MX1: variants seen among roughly 807,000 people sequenced by gnomAD.
MX1 encodes the protein MX dynamin like GTPase 1.
In MX1, 66 loss-of-function variants were observed where a neutral mutation model predicts 66.4. That is an observed-to-expected ratio of 0.99 (90% CI 0.82 to 1.22). The LOEUF is 1.22. Among genes scored for constraint, MX1 ranks in the 50% most tolerant of loss-of-function variants. The pLI is 0.00. For synonymous variants in MX1, 311 were observed against 318.1 expected, an observed-to-expected ratio of 0.98 and a Z score of 0.24; for missense variants, 787 against 834.3, an observed-to-expected ratio of 0.94 and a Z score of 0.70.
chr21:41,435,991 T>A lies in MX1; in HGVS notation c.260T>A (p.Leu87Ter). ...CAGAGCTCGGGCAAGAGCTCCGTGT[T>A]GGAGGCACTGTCAGGAGTTGCCCTT... ...GDQSSGKSSV[L>*]EALSGVALPR... The change falls in exon 6 of 17, where the codon TTG becomes TAG. Residue 87 changes from leucine (L) to a stop codon, truncating the protein, a stop_gained. Coordinates refer to ENST00000398598, the MANE Select transcript of MX1 (RefSeq NM_002462.5). LOFTEE classifies it high-confidence loss of function. 1 of 1,614,232 alleles carries A rather than the reference T, an allele frequency of 6.2e-7. No individual in the cohort carries two copies. Among genetic ancestry groups the A allele is most frequent in the Non-Finnish European group, 8.5e-7 (1 of 1,180,032 alleles).
At chr21:41,433,161 C>T (rs996092509) in intron 5 of MX1, among the ~76,000 whole-genome samples, 1 of 152,204 alleles carries the variant, frequency 6.6e-6, no homozygotes, top group Non-Finnish European at 1.5e-5. Flanking sequence ...GTGTGGCCCC[C>T]AGCCCAGCCC....
chr21:41,422,649 G>GA (rs959063614), upstream of MX1: 19 of 148,540 alleles, frequency 1.3e-4, no homozygotes, highest in East Asian at 3.9e-4. Context: ...TATCTGGTAG[G>GA]AAAAAAAAAA....
intron 8 of MX1, 111 bp downstream of exon 8, chr21:41,439,959 G>A: frequency 3.4e-6 from 4 of 1,184,186 alleles, no homozygotes; most frequent in Non-Finnish European, 4.7e-6. Context: ...CCAGAGCTGA[G>A]TTTTGGAGTT....
At chr21:41,434,879 A>G (rs1000533253) in intron 5 of MX1, among the ~76,000 whole-genome samples, 5 of 152,254 alleles carry the variant, frequency 3.3e-5, no homozygotes, top group Admixed American at 2.6e-4. Context: ...ACTCCTTTGT[A>G]TAGATCCAGA....
intron 16 of MX1, among the ~76,000 whole-genome samples, chr21:41,458,290 G>T (rs2091003116): frequency 6.6e-6 from 1 of 152,268 alleles, no homozygotes; most frequent in Non-Finnish European, 1.5e-5. Context: ...CCATTTAATG[G>T]TCAGGAAAAG....
At chr21:41,451,116 A>G in intron 14 of MX1, 51 bp from the exon 15 acceptor site, 1 of 1,265,542 alleles carries the variant, frequency 7.9e-7, no homozygotes, top group Non-Finnish European at 1.2e-6. Context: ...CATCTTAAGA[A>G]GAGAACAAAT....
intron 16 of MX1, among the ~76,000 whole-genome samples, chr21:41,456,965 T>C (rs938598310): frequency 2.0e-5 from 3 of 152,186 alleles, no homozygotes; most frequent in Non-Finnish European, 4.4e-5. Context: ...TTTCACCATA[T>C]TGGCCAGGCT....
In MX1 at chr21:41,454,247, G is replaced by A. The variant is rs78819670; in HGVS notation, c.1758+1378G>A. Among the ~76,000 whole-genome samples the A allele has an allele frequency of 3.9e-5, 6 of 152,200 alleles. No individual in the cohort carries two copies. The East Asian group carries it at 9.6e-4, about 24-fold the overall frequency. ...GTCTTGTGATGCTATACCAGAGTCGGGTTGGAAAGTAAGCCATTTTATACT... is the reference window on the plus strand; with the variant it reads ...GTCTTGTGATGCTATACCAGAGTCGAGTTGGAAAGTAAGCCATTTTATACT... On this transcript the variant is annotated intron_variant, in intron 16 of 16. Coordinates refer to ENST00000398598, the MANE Select transcript of MX1 (RefSeq NM_002462.5).
chr21:41,433,556 G>C (rs999796432), intron 5 of MX1, among the ~76,000 whole-genome samples: 1 of 152,296 alleles, frequency 6.6e-6, no homozygotes, highest in South Asian at 2.1e-4. Context: ...CAAGTTACAG[G>C]AAATATACAA....
At chr21:41,426,102 G>A (rs773566334), upstream of MX1, 24 of 174,076 alleles carry the variant, frequency 1.4e-4, no homozygotes, top group Non-Finnish European at 2.9e-4. Flanking sequence ...GGCAAGTGCT[G>A]CAGGTGCGGG....
intron 8 of MX1, 59 bp downstream of exon 8, chr21:41,439,907 G>A (rs896624680): frequency 2.8e-6 from 4 of 1,446,826 alleles, no homozygotes; most frequent in Non-Finnish European, 2.9e-6. Context: ...GAGTGGAGGG[G>A]TGGGAGGAGA....
chr21:41,436,934 AG>A, intron 6 of MX1, 80 bp from the exon 7 acceptor site: 1 of 1,529,078 alleles, frequency 6.5e-7, no homozygotes, highest in South Asian at 1.2e-5. Context: ...ATTGTATAAA[AG>A]TTTGAGAACC....
chr21:41,434,698 A>G (rs900924292), intron 5 of MX1, among the ~76,000 whole-genome samples: 18 of 152,170 alleles, frequency 1.2e-4, no homozygotes, highest in Admixed American at 1.2e-3. Flanking sequence ...AGAATAGTGT[A>G]TTTCCATCTC....
intron 12 of MX1, 132 bp from the exon 13 acceptor site, chr21:41,445,868 C>T (rs1568987565): frequency 8.5e-7 from 1 of 1,175,706 alleles, no homozygotes; most frequent in East Asian, 2.5e-5. Context: ...CCTCTTCTTT[C>T]CCCTGATCCA....
chr21:41,458,868 C>T lies in MX1; in HGVS notation c.*110C>T. The T allele has an allele frequency of 6.9e-7, 1 of 1,458,062 alleles. No homozygotes were observed. Among genetic ancestry groups the T allele is most frequent in the Admixed American group, 2.5e-5 (1 of 40,756 alleles). The allele number at this position is 1,458,062 out of a possible 1,614,324, so 90.3% of individuals were successfully genotyped here. ...TCAGTAGTCAGACTGGATAGTCCGT[C>T]TCTGCTTATCCGTTAGCCGTGGTGA... On this transcript the variant is annotated 3_prime_UTR_variant, in exon 17 of 17. Coordinates refer to ENST00000398598, the MANE Select transcript of MX1 (RefSeq NM_002462.5).
chr21:41,422,239 G>A (rs190034573), upstream of MX1: 1 of 152,322 alleles, frequency 6.6e-6, no homozygotes, highest in East Asian at 1.9e-4. Context: ...GTGACCTGTG[G>A]TTGTCCTCAT....
chr21:41,451,842 AAAAAAAAAACAAAC>A (rs1276901596), intron 15 of MX1, among the ~76,000 whole-genome samples: 1 of 143,108 alleles, frequency 7.0e-6, no homozygotes, highest in African/African-American at 2.7e-5. Context: ...CTCAAAAAAA[AAAAAAAAAACAAAC>A]AAAAAAACTT....
intron 6 of MX1, among the ~76,000 whole-genome samples, chr21:41,436,233 C>T (rs1182168567): frequency 1.3e-5 from 2 of 152,256 alleles, no homozygotes; most frequent in African/African-American, 2.4e-5. Context: ...CTTCCTTCCA[C>T]ACACAAGCAT....
At chr21:41,433,153 G>T (rs554124697) in intron 5 of MX1, among the ~76,000 whole-genome samples, 1 of 152,314 alleles carries the variant, frequency 6.6e-6, no homozygotes, top group African/African-American at 2.4e-5. Context: ...TTCTCAAAGT[G>T]TGGCCCCCAG....
Sources: gnomAD v4.1 joint callset for allele counts (sites outside exome capture counted in the v4.1 genomes callset) on GRCh38, gnomAD v4.1.1 for gene constraint, MANE v1.5 for transcripts, NCBI Gene and HGNC (gene_info 2026-07-23, HGNC 2026-07-21) for gene names.